The following SIK2 variants were observed in gnomAD, a reference collection of about 807,000 sequenced individuals.
SIK2 encodes the protein salt inducible kinase 2, also known as serine/threonine-protein kinase SIK2.
A neutral mutation model predicts 103.2 loss-of-function variants in SIK2; 29 were observed. That is an observed-to-expected ratio of 0.28 (90% CI 0.21 to 0.38). SIK2 has a LOEUF of 0.38. Among genes scored for constraint, SIK2 ranks in the 10% least tolerant of loss-of-function variants. The pLI is 1.00. For synonymous variants in SIK2, 412 were observed against 446.1 expected (o/e 0.92, Z 0.96); for missense variants, 879 against 1,171.0 (o/e 0.75, Z 3.64).
At position 111,687,970 on chromosome 11, in the gene SIK2, G is replaced by C. The variant is rs767732402; in HGVS notation, c.317-31G>C. The C allele has an allele frequency of 9.4e-6, 15 of 1,603,060 alleles. No individual in the cohort carries two copies. In the South Asian group the frequency reaches 1.6e-4, roughly 17 times the overall value. ...AATAGTGGAGTTATTTTATTTTGGT[G>C]ACTAATTCTTAATCCTCTCTTCATT... On this transcript the variant is annotated intron_variant, in intron 3 of 14. Coordinates refer to ENST00000304987, the MANE Select transcript of SIK2 (RefSeq NM_015191.3).
intron 3 of SIK2, among the ~76,000 whole-genome samples, chr11:111,652,482 A>C (rs1264092175): frequency 4.6e-5 from 7 of 152,076 alleles, no homozygotes; most frequent in Admixed American, 1.3e-4. Flanking sequence ...TTGATATACC[A>C]CTCCAATTTT....
chr11:111,603,496 C>T (rs1941611246), intron 1 of SIK2, among the ~76,000 whole-genome samples: 1 of 152,084 alleles, frequency 6.6e-6, no homozygotes, highest in African/African-American at 2.4e-5. Context: ...TGCCTCTACT[C>T]ATAAAGCCCT....
At chr11:111,613,394 C>A (rs1941756364) in intron 1 of SIK2, among the ~76,000 whole-genome samples, 1 of 152,108 alleles carries the variant, frequency 6.6e-6, no homozygotes, top group African/African-American at 2.4e-5. Context: ...GATATATAGA[C>A]TCACTCCTGA....
chr11:111,669,440 T>A (rs1426995803), intron 3 of SIK2, among the ~76,000 whole-genome samples: 1 of 152,126 alleles, frequency 6.6e-6, no homozygotes, highest in Non-Finnish European at 1.5e-5. Flanking sequence ...ATTAGAAATG[T>A]TTTCCCAAAA....
At chr11:111,610,394 G>A (rs1042593648) in intron 1 of SIK2, among the ~76,000 whole-genome samples, 1 of 151,788 alleles carries the variant, frequency 6.6e-6, no homozygotes, top group African/African-American at 2.4e-5. Flanking sequence ...GGAGGCTGAG[G>A]CAGGAGAATC....
In SIK2 at chr11:111,679,996, C is replaced by A. The variant is rs376868032; in HGVS notation, c.317-8005C>A. Among the ~76,000 whole-genome samples, 75 of 152,118 alleles carry A rather than the reference C, an allele frequency of 4.9e-4. 2 individuals are homozygous for A. In the South Asian group the frequency reaches 0.015, roughly 30 times the overall value. On this transcript the variant is annotated intron_variant, in intron 3 of 14. Transcript: ENST00000304987. The stretch of plus-strand genomic sequence containing the variant: ...AATTAGCTGGGCATGGTAGCAGGCA[C>A]CTGTAATCCCAGCTACTTGGGAGGC...
At position 111,724,120 on chromosome 11, in the gene SIK2, G is replaced by A; in HGVS notation, c.2772G>A (p.Leu924=). Residue 924 remains leucine, a synonymous_variant, in exon 15 of 15, where the codon CTG becomes CTA. Coordinates refer to ENST00000304987, the MANE Select transcript of SIK2 (RefSeq NM_015191.3). The part of the protein sequence containing the change: ...AVDPQHNGYV[L]VN ...ATCCACAACACAACGGGTATGTCCT[G>A]GTGAATTAGTCTCAGCACAGGAATT... is the stretch of plus-strand genomic sequence containing the variant. The A allele has an allele frequency of 6.2e-7, 1 of 1,608,994 alleles. No homozygotes were observed. The highest frequency in any genetic ancestry group is 8.5e-7 in the Non-Finnish European group (1 of 1,178,638).
chr11:111,703,889 G>C (rs1467277888), intron 7 of SIK2, among the ~76,000 whole-genome samples: 2 of 152,158 alleles, frequency 1.3e-5, no homozygotes, highest in Non-Finnish European at 2.9e-5. Flanking sequence ...TCCTGATTTG[G>C]AAGTATTAGG....
intron 3 of SIK2, among the ~76,000 whole-genome samples, chr11:111,684,891 C>T (rs934232325): frequency 6.6e-5 from 10 of 152,112 alleles, no homozygotes; most frequent in Admixed American, 4.6e-4. Context: ...CTGATGCCAA[C>T]CCATAAAAAA....
At chr11:111,607,197 G>T (rs747708300) in intron 1 of SIK2, among the ~76,000 whole-genome samples, 1 of 152,082 alleles carries the variant, frequency 6.6e-6, no homozygotes, top group South Asian at 2.1e-4. Context: ...TGGGTGTCAG[G>T]CTGCTTACTT....
chr11:111,608,942 A>G (rs980794619), intron 1 of SIK2, among the ~76,000 whole-genome samples: 3 of 152,180 alleles, frequency 2.0e-5, no homozygotes, highest in Non-Finnish European at 4.4e-5. Flanking sequence ...CAGGAATATT[A>G]TTTTCTAAAT....
At chr11:111,712,147 A>C (rs556163136) in intron 8 of SIK2, 64 bp from the exon 9 acceptor site, 2 of 1,454,198 alleles carry the variant, frequency 1.4e-6, no homozygotes, top group Non-Finnish European at 1.9e-6. Flanking sequence ...TATTCTTAGA[A>C]CTTTGTGTAT....
Position 111,724,687 on chromosome 11 carries a change from A to T in SIK2, c.*558A>T, listed in dbSNP as rs929057313. ...CTGATGCAAGTTGTCCCCCAAGGCC[A>T]TCACAAAGCAGTGGGGCATGAGCTG... is the stretch of plus-strand genomic sequence containing the variant. On this transcript the variant is annotated 3_prime_UTR_variant, in exon 15 of 15. Coordinates refer to ENST00000304987, the MANE Select transcript of SIK2 (RefSeq NM_015191.3). The T allele has an allele frequency of 1.3e-5, 2 of 156,026 alleles. No homozygotes were observed. The highest frequency in any genetic ancestry group is 4.8e-5 in the African/African-American group (2 of 41,476). 9.7% of individuals were successfully genotyped at this position (156,026 alleles called of 1,614,324 possible).
chr11:111,644,058 C>T (rs1429547785), intron 3 of SIK2, among the ~76,000 whole-genome samples: 6 of 151,376 alleles, frequency 4.0e-5, no homozygotes, highest in Non-Finnish European at 7.4e-5. Flanking sequence ...AAGGCTGAGG[C>T]GAGCGGATCA....
At position 111,635,152 on chromosome 11, in the gene SIK2, C is replaced by T. The variant is rs552424142; in HGVS notation, c.316+14750C>T. ...TCAGAAAATTGTTATTGTTCTCCCT[C>T]CCATCTTTGTTTAAATTGGGTCGGA... is the stretch of plus-strand genomic sequence containing the variant. On this transcript the variant is annotated intron_variant, in intron 3 of 14. Coordinates refer to ENST00000304987, the MANE Select transcript of SIK2 (RefSeq NM_015191.3). Among the ~76,000 whole-genome samples, 5 of 152,162 alleles carry T rather than the reference C, an allele frequency of 3.3e-5. No homozygotes were observed. The South Asian group carries it at 1.0e-3, about 32-fold the overall frequency.
rs1360909942 is a variant in SIK2, at chr11:111,729,314, A to G, written c.*5185A>G. 6.6e-6 allele frequency: 1 copy of G among 152,266 alleles called. No homozygotes were observed. The highest frequency in any genetic ancestry group is 2.4e-5 in the African/African-American group (1 of 41,458). The allele number at this position is 152,266 out of a possible 1,614,324, so 9.4% of individuals were successfully genotyped here. On this transcript the variant is annotated 3_prime_UTR_variant, in exon 15 of 15. Coordinates refer to ENST00000304987, the MANE Select transcript of SIK2 (RefSeq NM_015191.3). ...GGCAGCAGTGCTCGCAGACCCACCC[A>G]GGGAGAGCTGTGATGGGTTCTGCCC...
chr11:111,643,107 G>C (rs1942206670), intron 3 of SIK2, among the ~76,000 whole-genome samples: 2 of 151,912 alleles, frequency 1.3e-5, no homozygotes, highest in African/African-American at 4.8e-5. Context: ...ATTATTATTG[G>C]TTTATGTATC....
chr11:111,657,940 A>G (rs1251634521), intron 3 of SIK2, among the ~76,000 whole-genome samples: 2 of 152,188 alleles, frequency 1.3e-5, no homozygotes, highest in Non-Finnish European at 2.9e-5. Context: ...ATGCAGGTTC[A>G]GTATTCTGAC....
intron 9 of SIK2, among the ~76,000 whole-genome samples, chr11:111,716,568 C>G (rs189534385): frequency 1.4e-4 from 22 of 152,126 alleles, no homozygotes; most frequent in African/African-American, 3.6e-4. Flanking sequence ...CAGAGTGAGA[C>G]TCTGTCTCAC....
Sources: allele counts gnomAD v4.1 joint callset (sites outside exome capture counted in the v4.1 genomes callset), GRCh38; gene constraint gnomAD v4.1.1; transcripts MANE v1.5; gene names NCBI Gene and HGNC (gene_info 2026-07-23, HGNC 2026-07-21).